LANCL3: variants seen among roughly 807,000 people sequenced by gnomAD.
LANCL3 encodes lanC-like protein 3.
A neutral mutation model predicts 26.5 loss-of-function variants in LANCL3; 19 were observed. The ratio of observed to expected loss-of-function variants is 0.72; its 90% CI spans 0.50 to 1.05. The LOEUF (loss-of-function observed/expected upper bound fraction) is 1.05. Among genes scored for constraint, LANCL3 ranks in the 50% least tolerant of loss-of-function variants. The probability of loss-of-function intolerance (pLI) is 0.00; values close to 1 mark genes in which losing one functional copy is unlikely to be tolerated. For synonymous variants in LANCL3, 160 were observed against 166.6 expected, an observed-to-expected ratio of 0.96 and a Z score of 0.30; for missense variants, 318 against 362.7, an observed-to-expected ratio of 0.88 and a Z score of 1.00.
chrX:37,578,619 C>T (rs1224135212), intron 1 of LANCL3, among the ~76,000 whole-genome samples: 3 of 111,857 alleles, frequency 2.7e-5, no homozygotes, highest in Non-Finnish European at 5.6e-5. Context: ...CTGTGTTTTT[C>T]CTACCTTTTC....
chrX:37,650,267 C>T lies in LANCL3; in HGVS notation c.574-5421C>T, dbSNP rs192525510. 6.3e-3 allele frequency among the ~76,000 whole-genome samples: 627 copies of T among 99,360 alleles called. 3 individuals carry two copies. Among genetic ancestry groups the T allele is most frequent in the Middle Eastern group, 0.033 (7 of 212 alleles). 86.3% of individuals were successfully genotyped at this position (99,360 alleles called of 115,157 possible). A position where few individuals can be genotyped will look rare whatever the true frequency, so the allele number is the denominator to read the frequency against. On this transcript the variant is annotated intron_variant, in intron 1 of 4. Transcript: ENST00000378619. ...GCAGTGAGCCAAGATCGTGCCACTG[C>T]ACTCCAGCCTGGGTGACTGAGTGAA... is the stretch of plus-strand genomic sequence containing the variant.
At chrX:37,612,731 G>C (rs1305443264) in intron 1 of LANCL3, among the ~76,000 whole-genome samples, 1 of 111,899 alleles carries the variant, frequency 8.9e-6, no homozygotes, top group Non-Finnish European at 1.9e-5. Context: ...AAGATACAAA[G>C]ATGAACAGGA....
chrX:37,610,669 A>G (rs1602106806), intron 1 of LANCL3, among the ~76,000 whole-genome samples: 1 of 111,455 alleles, frequency 9.0e-6, no homozygotes, highest in South Asian at 3.8e-4. Flanking sequence ...CCACTTATAA[A>G]CACTTCAGGT....
At chrX:37,662,815 C>CTT (rs57561710) in intron 3 of LANCL3, among the ~76,000 whole-genome samples, 5 of 99,367 alleles carry the variant, frequency 5.0e-5, no homozygotes, top group Admixed American at 2.2e-4. Flanking sequence ...CCCACCATTC[C>CTT]TTTTTTTTTT....
intron 1 of LANCL3, among the ~76,000 whole-genome samples, chrX:37,600,857 C>T (rs1186163334): frequency 1.8e-5 from 2 of 111,232 alleles, no homozygotes; most frequent in Admixed American, 9.6e-5. Flanking sequence ...TTTGTAAGGT[C>T]GCCTGTCTGA....
At chrX:37,596,282 C>T (rs1320431722) in intron 1 of LANCL3, among the ~76,000 whole-genome samples, 1 of 112,142 alleles carries the variant, frequency 8.9e-6, no homozygotes, top group Non-Finnish European at 1.9e-5. Context: ...AAGATAACTC[C>T]CTATCAGTAT....
rs1209644328 is a variant in LANCL3 at position 37,654,825 on chromosome X, GAGAA to G, written c.574-859_574-856del. 3.7e-4 allele frequency among the ~76,000 whole-genome samples: 41 copies of G among 112,203 alleles called. 2 individuals are homozygous for G. The Admixed American group carries it at 3.8e-3, about 10-fold the overall frequency. ...TCAAAGAACTGATAGTCTAGTGAGA[GAGAA>G]AGAGAGAGCTCTAACACAACAGAGA... On this transcript the variant is annotated intron_variant, in intron 1 of 4. Coordinates refer to ENST00000378619, the MANE Select transcript of LANCL3 (RefSeq NM_001170331.2).
At chrX:37,674,598 A>C (rs1926752971) in intron 4 of LANCL3, among the ~76,000 whole-genome samples, 1 of 111,842 alleles carries the variant, frequency 8.9e-6, no homozygotes, top group African/African-American at 3.2e-5. Context: ...CGATGCATTA[A>C]TAGTCTACTG....
chrX:37,575,181 T>C (rs1923714587), intron 1 of LANCL3, among the ~76,000 whole-genome samples: 1 of 109,853 alleles, frequency 9.1e-6, no homozygotes, highest in Admixed American at 9.7e-5. Context: ...CCCGCCTCAG[T>C]CTCCTAAAGT....
At chrX:37,596,552 G>T (rs186689871) in intron 1 of LANCL3, among the ~76,000 whole-genome samples, 1 of 112,128 alleles carries the variant, frequency 8.9e-6, no homozygotes, top group Non-Finnish European at 1.9e-5. Flanking sequence ...TACTTTCTCA[G>T]AATTCTGAAG....
At chrX:37,632,084 G>A (rs1556424496) in intron 1 of LANCL3, among the ~76,000 whole-genome samples, 1 of 111,359 alleles carries the variant, frequency 9.0e-6, no homozygotes, top group Non-Finnish European at 1.9e-5. Flanking sequence ...TTGTGTGGGA[G>A]TGTAAGTCTC....
chrX:37,630,156 G>A (rs1296516154), intron 1 of LANCL3, among the ~76,000 whole-genome samples: 2 of 110,467 alleles, frequency 1.8e-5, no homozygotes, highest in Non-Finnish European at 3.8e-5. Context: ...TCCTTGAAGA[G>A]GTCCTTCACA....
rs782381717 is a variant in LANCL3, at chrX:37,622,543, A to G, written c.574-33145A>G. ...TCCCTTATACTAATCATCTGTTATC[A>G]TCTGGTAGCACAAAATTTTGTAAAT... On this transcript the variant is annotated intron_variant, in intron 1 of 4. Coordinates refer to ENST00000378619, the MANE Select transcript of LANCL3 (RefSeq NM_001170331.2). 8.1e-5 allele frequency among the ~76,000 whole-genome samples: 9 copies of G among 111,775 alleles called. No homozygotes were observed. The East Asian group carries it at 2.5e-3, about 31-fold the overall frequency.
chrX:37,599,606 G>A (rs1371385145), intron 1 of LANCL3, among the ~76,000 whole-genome samples: 1 of 112,072 alleles, frequency 8.9e-6, no homozygotes, highest in East Asian at 2.8e-4. Context: ...TCAGCTTCCA[G>A]TGATCACTCT....
intron 1 of LANCL3, among the ~76,000 whole-genome samples, chrX:37,579,865 T>C (rs1192705539): frequency 9.0e-6 from 1 of 111,727 alleles, no homozygotes; most frequent in African/African-American, 3.3e-5. Flanking sequence ...CCTCCAAAAA[T>C]GTTCTACCAA....
At chrX:37,578,652 A>G (rs1279193261) in intron 1 of LANCL3, among the ~76,000 whole-genome samples, 6 of 112,029 alleles carry the variant, frequency 5.4e-5, no homozygotes, top group Non-Finnish European at 9.4e-5. Context: ...TCTCTCATCA[A>G]AGATATAAAA....
At chrX:37,641,664 A>G (rs1029316220) in intron 1 of LANCL3, among the ~76,000 whole-genome samples, 4 of 111,812 alleles carry the variant, frequency 3.6e-5, no homozygotes, top group African/African-American at 6.5e-5. Flanking sequence ...CTACAGGCCC[A>G]TGTCAAAGAA....
At chrX:37,645,796 C>T (rs1370961967) in intron 1 of LANCL3, among the ~76,000 whole-genome samples, 1 of 112,014 alleles carries the variant, frequency 8.9e-6, no homozygotes, top group Non-Finnish European at 1.9e-5. Flanking sequence ...AGCATCACTA[C>T]TGTTGTAACA....
intron 3 of LANCL3, among the ~76,000 whole-genome samples, chrX:37,665,068 C>G (rs1344540314): frequency 8.9e-6 from 1 of 111,844 alleles, no homozygotes; most frequent in African/African-American, 3.3e-5. Flanking sequence ...AACCAGCTCA[C>G]AGCTACCCTG....
Sources: allele counts gnomAD v4.1 joint callset (sites outside exome capture counted in the v4.1 genomes callset), GRCh38; gene constraint gnomAD v4.1.1; transcripts MANE v1.5; gene names NCBI Gene and HGNC (gene_info 2026-07-23, HGNC 2026-07-21).